Variants in RLIM observed in about 807,000 individuals in gnomAD.
RLIM encodes the protein ring finger protein, LIM domain interacting.
RLIM carries 2 observed loss-of-function variants against 34.0 expected under a neutral mutation model. The ratio of observed to expected loss-of-function variants is 0.06; its 90% CI spans 0.02 to 0.19. The LOEUF is 0.19. Ranked by LOEUF, RLIM falls within the 10% of genes least tolerant of loss-of-function variation. RLIM has a pLI of 1.00. For synonymous variants in RLIM, 169 were observed against 164.0 expected (o/e 1.03, Z -0.23); for missense variants, 286 against 479.7 (o/e 0.60, Z 3.77).
chrX:74,595,254 T>C (rs894567409), intron 2 of RLIM, among the ~76,000 whole-genome samples: 1 of 111,832 alleles, frequency 8.9e-6, no homozygotes, highest in African/African-American at 3.3e-5. Context: ...TGCTAAAACC[T>C]TACCTTTTAA....
Position 74,594,379 on chromosome X carries a change from A to G in RLIM, c.180T>C (p.Thr60=), listed in dbSNP as rs780562192. 5.8e-6 allele frequency: 7 copies of G among 1,201,474 alleles called. No homozygotes were observed. The highest frequency in any genetic ancestry group is 3.6e-5 in the South Asian group (2 of 55,407). ...NNLLGTPGES[T]EEELLRRLQQ... Reference sequence around the variant, plus strand: ...GTAGTCGTCTCAGCAACTCTTCCTCAGTACTTTCACCTGAAATTTAACACC... The same window carrying G: ...GTAGTCGTCTCAGCAACTCTTCCTCGGTACTTTCACCTGAAATTTAACACC... Residue 60 remains threonine, a synonymous_variant, in exon 3 of 4, where the codon ACT becomes ACC. Transcript: ENST00000332687.
intron 1 of RLIM, among the ~76,000 whole-genome samples, chrX:74,606,619 T>C (rs1273585937): frequency 1.8e-5 from 2 of 112,090 alleles, no homozygotes; most frequent in Non-Finnish European, 3.8e-5. Flanking sequence ...CAAAAAGTTA[T>C]TTAAAACATA....
At chrX:74,612,318 T>C (rs2079715276) in intron 1 of RLIM, among the ~76,000 whole-genome samples, 2 of 112,187 alleles carry the variant, frequency 1.8e-5, no homozygotes, top group South Asian at 7.3e-4. Context: ...GTTGTTGTTC[T>C]ATACAGGTAT....
At chrX:74,593,858 G>C (rs1329945098) in intron 3 of RLIM, among the ~76,000 whole-genome samples, 1 of 112,281 alleles carries the variant, frequency 8.9e-6, no homozygotes, top group East Asian at 2.8e-4. Context: ...GTGCATTATG[G>C]CATGTCAGGA....
In RLIM at chrX:74,591,098, T is replaced by C. The variant is rs2079610704; in HGVS notation, c.*342A>G. Reference sequence around the variant, plus strand: ...GCTCCTCTCTTATGGTGTGGGAAAATTTAAAGATCAACATGAAAAAGGAGC... The same window carrying C: ...GCTCCTCTCTTATGGTGTGGGAAAACTTAAAGATCAACATGAAAAAGGAGC... On this transcript the variant is annotated 3_prime_UTR_variant, in exon 4 of 4. Transcript: ENST00000332687. 1 of 197,269 alleles carries C rather than the reference T, an allele frequency of 5.1e-6. No homozygotes were observed. Among genetic ancestry groups the C allele is most frequent in the Non-Finnish European group, 9.3e-6 (1 of 107,645 alleles). 16.3% of individuals were successfully genotyped at this position (197,269 alleles called of 1,213,427 possible).
chrX:74,585,693 T>C lies in RLIM; in HGVS notation c.*5747A>G, dbSNP rs1486660268. On this transcript the variant is annotated 3_prime_UTR_variant, in exon 4 of 4. Transcript: ENST00000332687. ...ACTGTACAAAAGAAAACTGTGTACA[T>C]TCTCAAAATTTAATACAGGGCTTCC... is the stretch of plus-strand genomic sequence containing the variant. 8.9e-6 allele frequency: 1 copy of C among 112,098 alleles called. No homozygotes were observed. Among genetic ancestry groups the C allele is most frequent in the Non-Finnish European group, 1.9e-5 (1 of 53,265 alleles). The allele number at this position is 112,098 out of a possible 1,213,427, so 9.2% of individuals were successfully genotyped here.
intron 2 of RLIM, among the ~76,000 whole-genome samples, chrX:74,594,617 A>G (rs1276324787): frequency 8.9e-6 from 1 of 112,061 alleles, no homozygotes; most frequent in African/African-American, 3.2e-5. Flanking sequence ...TTTTGCATAT[A>G]ACATCTAACT....
At position 74,585,767 on chromosome X, in the gene RLIM, G is replaced by A. The variant is rs1931334565; in HGVS notation, c.*5673C>T. On this transcript the variant is annotated 3_prime_UTR_variant, in exon 4 of 4. Transcript: ENST00000332687. ...TATCGGAGAAGGGTGTTATGTTCAG[G>A]TTTAAATTGAAAGAAAATGAGAAAC... The A allele has an allele frequency of 8.9e-6, 1 of 111,776 alleles. No individual in the cohort carries two copies. Among genetic ancestry groups the A allele is most frequent in the Admixed American group, 9.5e-5 (1 of 10,493 alleles). The allele number at this position is 111,776 out of a possible 1,213,427, so 9.2% of individuals were successfully genotyped here. A position where few individuals can be genotyped will look rare whatever the true frequency, so the allele number is the denominator to read the frequency against.
intron 1 of RLIM, among the ~76,000 whole-genome samples, chrX:74,600,686 G>A: frequency 9.0e-6 from 1 of 110,691 alleles, no homozygotes; most frequent in Non-Finnish European, 1.9e-5. Flanking sequence ...ACATGCCAAA[G>A]ACATTTACAG....
At chrX:74,613,973 G>A (rs758906583) in intron 1 of RLIM, among the ~76,000 whole-genome samples, 1 of 110,277 alleles carries the variant, frequency 9.1e-6, no homozygotes, top group East Asian at 2.9e-4. Flanking sequence ...CATCTCACTT[G>A]GGGCAGCCTG....
intron 2 of RLIM, 63 bp from the exon 3 acceptor site, chrX:74,594,452 G>A (rs2079630457): frequency 1.5e-6 from 1 of 667,281 alleles, no homozygotes; most frequent in South Asian, 4.1e-5. Flanking sequence ...TACTTTATCA[G>A]TGACTCACAG....
At chrX:74,610,677 G>T (rs1270179756) in intron 1 of RLIM, among the ~76,000 whole-genome samples, 1 of 109,694 alleles carries the variant, frequency 9.1e-6, no homozygotes, top group Non-Finnish European at 1.9e-5. Flanking sequence ...AGATCACAAG[G>T]TCAGGAGTTC....
chrX:74,594,322 G>C lies in RLIM; in HGVS notation c.237C>G (p.Asn79Lys). ...AAAACATACCTCTATTTTCATCTGAGTTTTGCGGTGGTGGGCCTTCTTTAA... is the reference window on the plus strand; with the variant it reads ...AAAACATACCTCTATTTTCATCTGACTTTTGCGGTGGTGGGCCTTCTTTAA... ...QQIKEGPPPQ[N>K]SDENRGGDSS... is the part of the protein sequence containing the mutation. Residue 79 changes from asparagine to lysine, a missense_variant, in exon 3 of 4, where the codon AAC (asparagine) becomes AAG (lysine). By Grantham distance (94) the Asn-to-Lys change is moderately conservative. Coordinates refer to ENST00000332687, the MANE Select transcript of RLIM (RefSeq NM_016120.4). The C allele has an allele frequency of 8.3e-7, 1 of 1,206,117 alleles. No individual in the cohort carries two copies. The highest frequency in any genetic ancestry group is 1.1e-6 in the Non-Finnish European group (1 of 893,294).
At chrX:74,611,154 G>T (rs1178489360) in intron 1 of RLIM, among the ~76,000 whole-genome samples, 2 of 111,871 alleles carry the variant, frequency 1.8e-5, no homozygotes, top group African/African-American at 6.5e-5. Context: ...GTTCTAGGCA[G>T]TGGCACAAAA....
At position 74,588,735 on chromosome X, in the gene RLIM, G is replaced by GAAAATGAAATGT. The variant is rs2079598688; in HGVS notation, c.*2693_*2704dup. 1 of 111,858 alleles carries GAAAATGAAATGT rather than the reference G, an allele frequency of 8.9e-6. No individual in the cohort carries two copies. The highest frequency in any genetic ancestry group is 1.9e-5 in the Non-Finnish European group (1 of 53,205). 9.2% of individuals were successfully genotyped at this position (111,858 alleles called of 1,213,427 possible). ...GTACTTAAGAAAAAGTGCAAAGATA[G>GAAAATGAAATGT]AAAATGAAATGTAAGGTGTTTTGCA... On this transcript the variant is annotated 3_prime_UTR_variant, in exon 4 of 4. Transcript: ENST00000332687.
intron 1 of RLIM, among the ~76,000 whole-genome samples, chrX:74,610,663 G>A (rs1159422380): frequency 9.1e-6 from 1 of 110,036 alleles, no homozygotes; most frequent in Non-Finnish European, 1.9e-5. Flanking sequence ...AGGCCAAGGT[G>A]GGCAGATCAC....
At chrX:74,608,063 G>C (rs1175839213) in intron 1 of RLIM, among the ~76,000 whole-genome samples, 1 of 111,474 alleles carries the variant, frequency 9.0e-6, no homozygotes, top group African/African-American at 3.3e-5. Context: ...TCTACACATG[G>C]GTAGCAGGGT....
At chrX:74,601,960 TCA>T (rs1381897393) in intron 1 of RLIM, among the ~76,000 whole-genome samples, 1 of 111,383 alleles carries the variant, frequency 9.0e-6, no homozygotes, top group Non-Finnish European at 1.9e-5. Flanking sequence ...TTAAACAGAT[TCA>T]CAGTTGTTGA....
In RLIM at chrX:74,587,237, AAT is replaced by A. The variant is rs1420535018; in HGVS notation, c.*4201_*4202del. ...TTTACTAGTTAACTCAATGAATTAC[AAT>A]ACTGTTATTGAATATAAACATACTG... On this transcript the variant is annotated 3_prime_UTR_variant, in exon 4 of 4. Coordinates refer to ENST00000332687, the MANE Select transcript of RLIM (RefSeq NM_016120.4). 8.9e-6 allele frequency: 1 copy of A among 112,244 alleles called. No homozygotes were observed. The highest frequency in any genetic ancestry group is 1.9e-5 in the Non-Finnish European group (1 of 53,291). The allele number at this position is 112,244 out of a possible 1,213,427, so 9.3% of individuals were successfully genotyped here.
Sources: allele counts gnomAD v4.1 joint callset (sites outside exome capture counted in the v4.1 genomes callset), GRCh38; gene constraint gnomAD v4.1.1; transcripts MANE v1.5; gene names NCBI Gene and HGNC (gene_info 2026-07-23, HGNC 2026-07-21).